Variants in RGS7 observed in about 807,000 individuals in gnomAD.
RGS7 encodes regulator of G-protein signaling 7.
Under a neutral mutation model 81.1 loss-of-function variants are expected in RGS7, and 27 were observed. The observed-to-expected ratio is 0.33, with a 90% CI of 0.25 to 0.46. The LOEUF (loss-of-function observed/expected upper bound fraction) is 0.46. Among genes scored for constraint, RGS7 ranks in the 20% least tolerant of loss-of-function variants. The pLI, the probability that RGS7 is intolerant of heterozygous loss-of-function variation, is 1.00. For synonymous variants in RGS7, 208 were observed against 207.7 expected (o/e 1.00, Z -0.01); for missense variants, 396 against 607.4 (o/e 0.65, Z 3.66).
chr1:240,905,957 G>A (rs1670748744), intron 6 of RGS7, among the ~76,000 whole-genome samples: 1 of 152,172 alleles, frequency 6.6e-6, no homozygotes, highest in Non-Finnish European at 1.5e-5. Context: ...ATTCACCAGT[G>A]AAAATGCTAG....
chr1:240,965,937 T>A (rs1682219582), intron 4 of RGS7, among the ~76,000 whole-genome samples: 1 of 152,108 alleles, frequency 6.6e-6, no homozygotes, highest in Non-Finnish European at 1.5e-5. Context: ...ATGCAGCCAA[T>A]GTTCACGAAA....
intron 2 of RGS7, among the ~76,000 whole-genome samples, chr1:241,308,026 C>T (rs1269087883): frequency 6.6e-5 from 10 of 152,152 alleles, no homozygotes; most frequent in Non-Finnish European, 1.5e-4. Flanking sequence ...AATGTTTGTG[C>T]ATTTGGATGC....
At chr1:241,088,794 G>A (rs897662900) in intron 3 of RGS7, among the ~76,000 whole-genome samples, 1 of 151,722 alleles carries the variant, frequency 6.6e-6, no homozygotes, top group Non-Finnish European at 1.5e-5. Context: ...GGCAGATCAC[G>A]AGGTCAGGAG....
intron 9 of RGS7, among the ~76,000 whole-genome samples, chr1:240,860,560 T>A (rs1324714922): frequency 6.6e-6 from 1 of 152,170 alleles, no homozygotes; most frequent in Non-Finnish European, 1.5e-5. Context: ...TTTAACTTCA[T>A]ATTTTAATGG....
intron 2 of RGS7, among the ~76,000 whole-genome samples, chr1:241,244,606 G>A (rs973473077): frequency 6.6e-6 from 1 of 152,058 alleles, no homozygotes; most frequent in African/African-American, 2.4e-5. Flanking sequence ...CCATTACTGG[G>A]TATATACGCA....
intron 2 of RGS7, among the ~76,000 whole-genome samples, chr1:241,245,315 T>C (rs1304056978): frequency 6.6e-6 from 1 of 151,962 alleles, no homozygotes; most frequent in Non-Finnish European, 1.5e-5. Flanking sequence ...TCAAGAGATC[T>C]GCTTGTTTAA....
intron 9 of RGS7, among the ~76,000 whole-genome samples, chr1:240,840,542 G>A: frequency 6.6e-6 from 1 of 152,176 alleles, no homozygotes; most frequent in East Asian, 1.9e-4. Context: ...CAAAGTGCTG[G>A]GATTTCAGGC....
intron 3 of RGS7, among the ~76,000 whole-genome samples, chr1:241,049,966 C>G (rs2061161032): frequency 6.6e-6 from 1 of 152,014 alleles, no homozygotes; most frequent in Non-Finnish European, 1.5e-5. Context: ...TTTGAGTGCC[C>G]TCGGTACTTT....
chr1:240,907,012 T>C (rs1670930963), intron 6 of RGS7, among the ~76,000 whole-genome samples: 1 of 152,238 alleles, frequency 6.6e-6, no homozygotes, highest in South Asian at 2.1e-4. Context: ...TTTTAGTGTA[T>C]TCTAAACTTG....
At chr1:241,212,859 C>T (rs1250077141) in intron 2 of RGS7, among the ~76,000 whole-genome samples, 2 of 152,218 alleles carry the variant, frequency 1.3e-5, no homozygotes, top group East Asian at 3.9e-4. Flanking sequence ...AGCCACACCT[C>T]CTCCCACTGC....
At chr1:241,259,801 T>C (rs901157941) in intron 2 of RGS7, among the ~76,000 whole-genome samples, 2 of 151,450 alleles carry the variant, frequency 1.3e-5, no homozygotes, top group African/African-American at 4.8e-5. Context: ...CACTGCATCA[T>C]TGGTTCTCAT....
intron 9 of RGS7, among the ~76,000 whole-genome samples, chr1:240,857,043 G>T (rs1353582312): frequency 6.6e-6 from 1 of 152,062 alleles, no homozygotes; most frequent in South Asian, 2.1e-4. Context: ...ACAACCATCA[G>T]CTTTTCTATA....
intron 3 of RGS7, among the ~76,000 whole-genome samples, chr1:241,055,857 T>G (rs1427165392): frequency 6.6e-6 from 1 of 152,192 alleles, no homozygotes; most frequent in Non-Finnish European, 1.5e-5. Context: ...TCATTTCCTT[T>G]GCATACAAAA....
chr1:241,085,521 G>A lies in RGS7; in HGVS notation c.175+13145C>T, dbSNP rs1417233650. On this transcript the variant is annotated intron_variant, in intron 3 of 18. Coordinates refer to ENST00000440928, the MANE Select transcript of RGS7 (RefSeq NM_001364886.1). ...CTCACTGCAACCTCCGCCTCCCAGG[G>A]TCAAGCAATTCTCCTGACTCAGCCT... 2.0e-5 allele frequency among the ~76,000 whole-genome samples: 3 copies of A among 152,006 alleles called. No individual in the cohort carries two copies. The East Asian group carries it at 5.8e-4, about 29-fold the overall frequency.
chr1:241,264,970 A>C (rs1043403794), intron 2 of RGS7, among the ~76,000 whole-genome samples: 5 of 152,216 alleles, frequency 3.3e-5, no homozygotes, highest in African/African-American at 1.2e-4. Flanking sequence ...GGAGCCAAAC[A>C]ACCCTCCTTA....
At chr1:240,825,986 C>T (rs1692740825) in intron 10 of RGS7, among the ~76,000 whole-genome samples, 1 of 152,156 alleles carries the variant, frequency 6.6e-6, no homozygotes, top group South Asian at 2.1e-4. Flanking sequence ...AGAGAGGTGG[C>T]TTAATGCACT....
At chr1:240,893,354 G>A (rs1241548135) in intron 6 of RGS7, among the ~76,000 whole-genome samples, 3 of 152,222 alleles carry the variant, frequency 2.0e-5, no homozygotes, top group Middle Eastern at 3.4e-3. Context: ...TTAAGAAAAC[G>A]ATTTTGCTTT....
At chr1:240,872,777 A>G (rs1000833987) in intron 6 of RGS7, among the ~76,000 whole-genome samples, 1 of 152,230 alleles carries the variant, frequency 6.6e-6, no homozygotes, top group Non-Finnish European at 1.5e-5. Context: ...GCACTCATGC[A>G]TAGTCAAAAC....
chr1:241,236,315 T>A (rs1418336398), intron 2 of RGS7, among the ~76,000 whole-genome samples: 1 of 152,164 alleles, frequency 6.6e-6, no homozygotes, highest in Non-Finnish European at 1.5e-5. Context: ...TCCAGGAATA[T>A]TATACGACAT....
Sources: gnomAD v4.1 joint callset for allele counts (sites outside exome capture counted in the v4.1 genomes callset) on GRCh38, gnomAD v4.1.1 for gene constraint, MANE v1.5 for transcripts, NCBI Gene and HGNC (gene_info 2026-07-23, HGNC 2026-07-21) for gene names.